Variants in KIAA1210 observed in about 807,000 individuals in gnomAD.
KIAA1210 encodes the protein KIAA1210, also known as acrosomal protein KIAA1210.
In KIAA1210, 48 loss-of-function variants were observed where a neutral mutation model predicts 78.9. That is an observed-to-expected ratio of 0.61 (90% CI 0.48 to 0.77). The LOEUF (loss-of-function observed/expected upper bound fraction) is 0.77, where lower values mean the gene tolerates loss of function less well. KIAA1210 is among the 30% of genes least tolerant of loss of function. The probability of loss-of-function intolerance (pLI) is 0.00; values close to 1 mark genes in which losing one functional copy is unlikely to be tolerated. For synonymous variants in KIAA1210, 406 were observed against 404.5 expected, an observed-to-expected ratio of 1.00 and a Z score of -0.04; for missense variants, 1,108 against 1,100.0, an observed-to-expected ratio of 1.01 and a Z score of -0.10.
chrX:119,125,735 A>ATATATATATATATATATATATATTTT (rs5903546), intron 1 of KIAA1210, among the ~76,000 whole-genome samples: 1 of 15,806 alleles, frequency 6.3e-5, no homozygotes, highest in African/African-American at 2.6e-4. Flanking sequence ...ATATATATAT[A>ATATATATATATATATATATATATTTT]TTTTTTTTTT....
chrX:119,085,687 G>A (rs1353941979), intron 9 of KIAA1210, 141 bp from the exon 10 acceptor site: 3 of 565,317 alleles, frequency 5.3e-6, no homozygotes, highest in African/African-American at 4.7e-5. Flanking sequence ...AACAGAGAAG[G>A]CCCCCCTTTT....
chrX:119,122,061 A>ATAT (rs1556002692), intron 2 of KIAA1210, among the ~76,000 whole-genome samples: 3 of 56,506 alleles, frequency 5.3e-5, no homozygotes, highest in African/African-American at 7.4e-5. Flanking sequence ...CGCGCCCGGC[A>ATAT]TTTTTTTTTT....
intron 3 of KIAA1210, among the ~76,000 whole-genome samples, chrX:119,109,670 G>C (rs1249100324): frequency 8.9e-6 from 1 of 111,769 alleles, no homozygotes; most frequent in Non-Finnish European, 1.9e-5. Flanking sequence ...AAGGCCATGA[G>C]TTTTGTTATT....
chrX:119,089,159 C>T lies in KIAA1210; in HGVS notation c.1543G>A (p.Ala515Thr), dbSNP rs191662435. ...EEAILSVAAE[A>T]QVFMNPSHIQ... is the part of the protein sequence containing the mutation. ...TGAGAAGGATTCATAAACACCTGAG[C>T]CTCTGCTGCTACTGAGAGAATGGCC... is the stretch of plus-strand genomic sequence containing the variant. The change falls in exon 9 of 12, where the codon GCT becomes ACT. Residue 515 changes from alanine (A) to threonine (T), a missense_variant. This residue lies in a region of KIAA1210 where 672 missense variants were observed against 607.1 expected (regional missense o/e 1.11). Coordinates refer to ENST00000691062, the MANE Select transcript of KIAA1210 (RefSeq NM_001394962.1). 5.0e-4 allele frequency: 607 copies of T among 1,209,335 alleles called. 2 individuals carry two copies. The African/African-American group carries it at 9.1e-3, about 18-fold the overall frequency.
chrX:119,139,517 C>T (rs1276432928), intron 2 of KIAA1210, among the ~76,000 whole-genome samples: 1 of 111,495 alleles, frequency 9.0e-6, no homozygotes, highest in Non-Finnish European at 1.9e-5. Flanking sequence ...AGGCATAACA[C>T]ACAGTAAGCA....
chrX:119,102,123 G>A (rs772137936), intron 6 of KIAA1210, among the ~76,000 whole-genome samples: 1 of 112,889 alleles, frequency 8.9e-6, no homozygotes, highest in East Asian at 2.8e-4. Flanking sequence ...TTGGTCAGGA[G>A]TCCTGGGATC....
At chrX:119,091,393 A>G (rs1927363967) in intron 8 of KIAA1210, among the ~76,000 whole-genome samples, 1 of 112,357 alleles carries the variant, frequency 8.9e-6, no homozygotes, top group Admixed American at 9.4e-5. Flanking sequence ...CCCAAAGGAA[A>G]AGAAGTCATT....
chrX:119,147,136 A>G (rs1017202720), intron 2 of KIAA1210, among the ~76,000 whole-genome samples: 1 of 111,027 alleles, frequency 9.0e-6, no homozygotes, highest in African/African-American at 3.3e-5. Context: ...GCAGCTAGGT[A>G]TGCCGCAAGG....
At position 119,080,521 on chromosome X, in the gene KIAA1210, C is replaced by T. The variant is rs769823533; in HGVS notation, c.*808G>A. On this transcript the variant is annotated 3_prime_UTR_variant, in exon 12 of 12. Transcript: ENST00000691062. The stretch of plus-strand genomic sequence containing the variant: ...AGCAACAACCAAATAATTGCGGCAT[C>T]TATCTAGGCTCATAAAACCTAAAGG... The T allele has an allele frequency of 8.9e-6, 1 of 112,134 alleles. No individual in the cohort carries two copies. Among genetic ancestry groups the T allele is most frequent in the African/African-American group, 3.2e-5 (1 of 30,876 alleles). The allele number at this position is 112,134 out of a possible 1,213,427, so 9.2% of individuals were successfully genotyped here. A position where few individuals can be genotyped will look rare whatever the true frequency, so the allele number is the denominator to read the frequency against.
upstream of KIAA1210, among the ~76,000 whole-genome samples, chrX:119,132,227 C>G (rs763317050): frequency 1.8e-5 from 2 of 112,404 alleles, no homozygotes; most frequent in East Asian, 5.6e-4. Flanking sequence ...CTCAGCTAAG[C>G]CCAGTCTGGA....
chrX:119,120,785 T>G (rs1344044158), intron 2 of KIAA1210, among the ~76,000 whole-genome samples: 2 of 111,979 alleles, frequency 1.8e-5, no homozygotes, highest in African/African-American at 6.5e-5. Flanking sequence ...CATTCCATCC[T>G]GTAGTGTGGC....
At chrX:119,122,751 C>T (rs1385832522) in intron 2 of KIAA1210, among the ~76,000 whole-genome samples, 1 of 111,716 alleles carries the variant, frequency 9.0e-6, no homozygotes, top group Non-Finnish European at 1.9e-5. Flanking sequence ...CAATACTAAA[C>T]AGTGATAACA....
At chrX:119,110,229 A>G (rs1171603000) in intron 3 of KIAA1210, among the ~76,000 whole-genome samples, 1 of 112,490 alleles carries the variant, frequency 8.9e-6, no homozygotes, top group East Asian at 2.8e-4. Flanking sequence ...AGTGAATGCC[A>G]AACACTGTAT....
intron 5 of KIAA1210, among the ~76,000 whole-genome samples, chrX:119,106,678 A>G (rs1927902819): frequency 8.9e-6 from 1 of 112,526 alleles, no homozygotes; most frequent in Non-Finnish European, 1.9e-5. Context: ...GCAAGATGCT[A>G]ATAATCTGCC....
chrX:119,104,846 A>G, intron 6 of KIAA1210, 146 bp downstream of exon 6: 1 of 485,018 alleles, frequency 2.1e-6, no homozygotes, highest in Non-Finnish European at 3.3e-6. Flanking sequence ...ATGGAAAACC[A>G]CCATGCAAAT....
At chrX:119,140,250 C>T (rs897426223) in intron 2 of KIAA1210, among the ~76,000 whole-genome samples, 1 of 111,433 alleles carries the variant, frequency 9.0e-6, no homozygotes, top group East Asian at 2.8e-4. Context: ...ATGCACAGGC[C>T]GGGTGTGGTG....
upstream of KIAA1210, among the ~76,000 whole-genome samples, chrX:119,129,217 C>T (rs1258910708): frequency 3.6e-5 from 4 of 110,105 alleles, no homozygotes; most frequent in East Asian, 2.8e-4. Flanking sequence ...ACTCAATAAA[C>T]GTTTGTTGAA....
chrX:119,111,801 A>T (rs1170763940), intron 3 of KIAA1210, among the ~76,000 whole-genome samples: 2 of 111,957 alleles, frequency 1.8e-5, no homozygotes, highest in African/African-American at 6.5e-5. Context: ...TATGAGAGCT[A>T]AAACTATAAA....
intron 1 of KIAA1210, among the ~76,000 whole-genome samples, chrX:119,148,922 C>T (rs1410653955): frequency 1.8e-5 from 2 of 110,494 alleles, no homozygotes; most frequent in Non-Finnish European, 3.8e-5. Context: ...TCCTGTGTTT[C>T]TGCCCAAATT....
Sources: gnomAD v4.1 joint callset for allele counts (sites outside exome capture counted in the v4.1 genomes callset) on GRCh38, gnomAD v4.1.1 for gene constraint, gnomAD v4.1.1 regional missense constraint, MANE v1.5 for transcripts, NCBI Gene and HGNC (gene_info 2026-07-23, HGNC 2026-07-21) for gene names.